The following ADAMTSL1 variants were observed in gnomAD, a reference collection of about 807,000 sequenced individuals.
ADAMTSL1 encodes ADAMTS like 1, also known as ADAMTS-like protein 1.
ADAMTSL1 carries 126 observed loss-of-function variants against 201.8 expected under a neutral mutation model. That is an observed-to-expected ratio of 0.62 (90% CI 0.54 to 0.72). ADAMTSL1 has a LOEUF of 0.72. ADAMTSL1 is among the 30% of genes least tolerant of loss of function. The pLI, the probability that ADAMTSL1 is intolerant of heterozygous loss-of-function variation, is 0.00. For missense variants in ADAMTSL1, 2,679 were observed against 2,277.8 expected (o/e 1.18, Z -3.59); for synonymous variants, 1,121 against 903.4 (o/e 1.24, Z -4.32).
At chr9:18,528,715 A>G (rs1027586962) in intron 2 of ADAMTSL1, among the ~76,000 whole-genome samples, 5 of 152,154 alleles carry the variant, frequency 3.3e-5, no homozygotes, top group Non-Finnish European at 5.9e-5. Flanking sequence ...TAATACTTAT[A>G]TTTTGTTCTT....
chr9:18,201,696 T>G (rs1829453580), intron 2 of ADAMTSL1, among the ~76,000 whole-genome samples: 1 of 152,118 alleles, frequency 6.6e-6, no homozygotes, highest in Non-Finnish European at 1.5e-5. Context: ...TCTGCTCTCA[T>G]TCTTATAGTG....
At chr9:18,883,810 C>T (rs938161777) in intron 23 of ADAMTSL1, among the ~76,000 whole-genome samples, 5 of 152,030 alleles carry the variant, frequency 3.3e-5, no homozygotes, top group African/African-American at 1.2e-4. Flanking sequence ...GTTTATCTAC[C>T]CATTGATTAT....
At chr9:17,997,738 G>A (rs1819442189) in intron 1 of ADAMTSL1, among the ~76,000 whole-genome samples, 1 of 152,028 alleles carries the variant, frequency 6.6e-6, no homozygotes, top group Admixed American at 6.6e-5. Context: ...GATCACACAT[G>A]TAATGCATGT....
intron 6 of ADAMTSL1, among the ~76,000 whole-genome samples, chr9:18,636,289 G>C (rs1239902559): frequency 6.6e-6 from 1 of 152,086 alleles, no homozygotes; most frequent in Admixed American, 6.6e-5. Flanking sequence ...ATGCTCTTGC[G>C]AGTGTTATAT....
chr9:18,309,152 A>C (rs192715795), intron 2 of ADAMTSL1, among the ~76,000 whole-genome samples: 89 of 152,258 alleles, frequency 5.8e-4, no homozygotes, highest in African/African-American at 2.0e-3. Flanking sequence ...CATGCTAAAA[A>C]CTGTCAATAA....
chr9:18,616,071 G>T (rs1322890880), intron 4 of ADAMTSL1, among the ~76,000 whole-genome samples: 1 of 152,118 alleles, frequency 6.6e-6, no homozygotes, highest in South Asian at 2.1e-4. Context: ...TGTTGCCCAG[G>T]CTGGAGTGGA....
At chr9:18,345,111 A>G (rs1412505890) in intron 2 of ADAMTSL1, among the ~76,000 whole-genome samples, 1 of 151,814 alleles carries the variant, frequency 6.6e-6, no homozygotes, top group African/African-American at 2.4e-5. Context: ...ATTCACTTTC[A>G]CTCTGACTTC....
rs1818425221 is a variant in ADAMTSL1, at chr9:17,975,837, GGT to G, written c.87+68918_87+68919del. 4.6e-5 allele frequency among the ~76,000 whole-genome samples: 7 copies of G among 151,750 alleles called. No individual in the cohort carries two copies. In the South Asian group the frequency reaches 8.3e-4, roughly 18 times the overall value. On this transcript the variant is annotated intron_variant, in intron 1 of 29. Transcript: ENST00000680146. Reference sequence around the variant, plus strand: ...AGCTTTTCACCTATACTTTCTTCTTGGTGTTTTATGATTTCAGTTCTGATATT... The same window carrying G: ...AGCTTTTCACCTATACTTTCTTCTTGGTTTTATGATTTCAGTTCTGATATT...
rs76585994 is a variant in ADAMTSL1, at chr9:18,536,369, G to T, written c.237+3077G>T. The stretch of plus-strand genomic sequence containing the variant: ...CTCTTTTCCTATTTTTTGTAGAACC[G>T]CTACATATAACTTGTTGGGGAGTTC... On this transcript the variant is annotated intron_variant, in intron 3 of 28. Transcript: ENST00000380548. Among the ~76,000 whole-genome samples, 10 of 151,356 alleles carry T rather than the reference G, an allele frequency of 6.6e-5. 1 individual carries two copies. In the East Asian group the frequency reaches 1.8e-3, roughly 27 times the overall value.
chr9:18,855,699 T>C (rs966952049), intron 23 of ADAMTSL1, among the ~76,000 whole-genome samples: 1 of 152,214 alleles, frequency 6.6e-6, no homozygotes, highest in Non-Finnish European at 1.5e-5. Context: ...TCCATTATGA[T>C]TATGGAATTC....
Position 17,968,748 on chromosome 9 carries a change from A to T in ADAMTSL1, c.87+61826A>T, listed in dbSNP as rs528858015. Among the ~76,000 whole-genome samples the T allele has an allele frequency of 1.4e-3, 206 of 152,236 alleles. 1 individual carries two copies. Among genetic ancestry groups the T allele is most frequent in the African/African-American group, 4.8e-3 (200 of 41,568 alleles). On this transcript the variant is annotated intron_variant, in intron 1 of 29. Transcript: ENST00000680146. ...CCATGCCATTTTAAAACCAGTATCT[A>T]TGCATGAATTTTGAAGATCAGTTAT...
At chr9:18,626,179 G>C (rs770875544) in intron 5 of ADAMTSL1, among the ~76,000 whole-genome samples, 1 of 152,138 alleles carries the variant, frequency 6.6e-6, no homozygotes, top group Admixed American at 6.6e-5. Context: ...TATATGCTGA[G>C]GAACTGTTCT....
intron 1 of ADAMTSL1, among the ~76,000 whole-genome samples, chr9:18,013,108 G>C (rs1220486794): frequency 6.6e-6 from 1 of 151,508 alleles, no homozygotes; most frequent in Admixed American, 6.6e-5. Context: ...CCTGTACTCT[G>C]AACACCTAGC....
chr9:17,928,930 C>G (rs1826664489), intron 1 of ADAMTSL1, among the ~76,000 whole-genome samples: 1 of 152,074 alleles, frequency 6.6e-6, no homozygotes, highest in Admixed American at 6.5e-5. Context: ...CCAGGAAACT[C>G]TGCTTACCAC....
chr9:18,699,635 A>T (rs577459848), intron 13 of ADAMTSL1, among the ~76,000 whole-genome samples: 4 of 152,206 alleles, frequency 2.6e-5, no homozygotes, highest in African/African-American at 9.6e-5. Flanking sequence ...TGGCCACTTT[A>T]ATATGTTTTT....
chr9:18,838,647 C>G (rs984626211), intron 23 of ADAMTSL1, among the ~76,000 whole-genome samples: 3 of 151,616 alleles, frequency 2.0e-5, no homozygotes, highest in African/African-American at 7.3e-5. Context: ...GGCAACACAG[C>G]AAGACCTTAT....
chr9:18,656,839 G>T (rs1237926787), intron 7 of ADAMTSL1, among the ~76,000 whole-genome samples: 2 of 151,656 alleles, frequency 1.3e-5, no homozygotes, highest in Non-Finnish European at 2.9e-5. Context: ...TCATGAAATT[G>T]TTGACATAAG....
At chr9:18,745,603 T>C (rs868520182) in intron 15 of ADAMTSL1, among the ~76,000 whole-genome samples, 7 of 152,210 alleles carry the variant, frequency 4.6e-5, no homozygotes, top group South Asian at 2.1e-4. Flanking sequence ...TTGATACTAC[T>C]GGGATGTCAT....
chr9:18,110,552 G>A (rs917560098), intron 1 of ADAMTSL1, among the ~76,000 whole-genome samples: 2 of 152,148 alleles, frequency 1.3e-5, no homozygotes, highest in Admixed American at 6.6e-5. Context: ...CTGAGCTTGA[G>A]GCTTTGAGGG....
Sources: allele counts gnomAD v4.1 joint callset (sites outside exome capture counted in the v4.1 genomes callset), GRCh38; gene constraint gnomAD v4.1.1; transcripts MANE v1.5; gene names NCBI Gene and HGNC (gene_info 2026-07-23, HGNC 2026-07-21).